Variants in TEP1 observed in about 807,000 individuals in gnomAD.
The protein encoded by TEP1 is telomerase protein component 1.
Under a neutral mutation model 306.3 loss-of-function variants are expected in TEP1, and 241 were observed. The ratio of observed to expected loss-of-function variants is 0.79; its 90% confidence interval spans 0.71 to 0.88. The LOEUF (loss-of-function observed/expected upper bound fraction) is 0.88. TEP1 is among the 40% of genes least tolerant of loss of function. The pLI is 0.00. For synonymous variants in TEP1, 1,289 were observed against 1,305.5 expected (o/e 0.99, Z 0.27); for missense variants, 3,051 against 3,276.1 (o/e 0.93, Z 1.68).
intron 50 of TEP1, 26 bp downstream of exon 50, chr14:20,371,463 G>A: frequency 6.2e-7 from 1 of 1,609,834 alleles, no homozygotes; most frequent in African/African-American, 1.3e-5. Context: ...CCCCAGCTCA[G>A]GAGGAAATGG....
rs1879342302 is a variant in TEP1 at position 20,408,125 on chromosome 14, G to A, written c.315C>T (p.Leu105=). Residue 105 remains leucine (L), a synonymous_variant, in exon 2 of 55, where the codon CTC becomes CTT. Coordinates refer to ENST00000262715, the MANE Select transcript of TEP1 (RefSeq NM_007110.5). ...HGHVSAHPDI[L]SLENRCLATL... Reference sequence around the variant, plus strand: ...TGGCCAGGCACCGGTTCTCCAAGGAGAGGATGTCTGGGTGGGCAGAAACAT... The same window carrying A: ...TGGCCAGGCACCGGTTCTCCAAGGAAAGGATGTCTGGGTGGGCAGAAACAT... 5.6e-6 allele frequency: 9 copies of A among 1,610,084 alleles called. No homozygotes were observed. The highest frequency in any genetic ancestry group is 7.6e-6 in the Non-Finnish European group (9 of 1,177,472).
chr14:20,386,133 G>A lies in TEP1; in HGVS notation c.2924C>T (p.Ser975Phe). 1 of 1,613,472 alleles carries A rather than the reference G, an allele frequency of 6.2e-7. No individual in the cohort carries two copies. Among genetic ancestry groups the A allele is most frequent in the East Asian group, 2.2e-5 (1 of 44,846 alleles). ...GCTGGGGGGAATGTATCCATAACGG[G>A]AGCCCAGAATCCCCACAAACAGCTG... ...NAQLFVGILG[S>F]RYGYIPPSYN... The change falls in exon 20 of 55, where the codon TCC becomes TTC. Residue 975 changes from serine to phenylalanine, a missense_variant. Transcript: ENST00000262715.
chr14:20,386,477 C>A lies in TEP1; in HGVS notation c.2831G>T (p.Gly944Val), dbSNP rs748869140. The A allele has an allele frequency of 2.5e-6, 4 of 1,610,754 alleles. No homozygotes were observed. Among genetic ancestry groups the A allele is most frequent in the South Asian group, 1.1e-5 (1 of 90,808 alleles). Residue 944 changes from glycine (G) to valine (V), a missense_variant, in exon 19 of 55, where the codon GGC (glycine) becomes GTC (valine). Physicochemically the swap from Gly to Val is moderately radical, Grantham distance 109. Transcript: ENST00000262715. The stretch of plus-strand genomic sequence containing the variant: ...CCTACGGGTCTCCTCCTCAGTGACG[C>A]CCCAGCGGAGGTCGATTCCGTGAAG... ...ISLHGIDLRW[G>V]VTEEETRRNR...
At chr14:20,375,268 T>A (rs866432068) in intron 43 of TEP1, among the ~76,000 whole-genome samples, 7 of 152,100 alleles carry the variant, frequency 4.6e-5, no homozygotes, top group African/African-American at 1.7e-4. Context: ...GTTATTCTCC[T>A]GCCTCAGCCT....
In TEP1 at chr14:20,377,643, A is replaced by C. The variant is rs753190676; in HGVS notation, c.5832T>G (p.Val1944=). Residue 1944 remains valine (V), a synonymous_variant, in exon 40 of 55, where the codon GTT becomes GTG. Transcript: ENST00000262715. ...TCCTAATGCCATCCGCTCGATATCC[A>C]ACAGCCACCCGATCACCATCTGGGC... ...ALSPDGDRVA[V]GYRADGIRIY... 5 of 1,614,038 alleles carry C rather than the reference A, an allele frequency of 3.1e-6. No homozygotes were observed. Among genetic ancestry groups the C allele is most frequent in the Non-Finnish European group, 4.2e-6 (5 of 1,180,038 alleles).
At position 20,388,024 on chromosome 14, in the gene TEP1, A is replaced by G. The variant is rs776405130; in HGVS notation, c.2565T>C (p.His855=). Residue 855 remains histidine (H), a synonymous_variant, in exon 18 of 55, where the codon CAT becomes CAC. Transcript: ENST00000262715. ...AEHGASHLLE[H]VGQMDKIFKI... is the part of the protein sequence containing the mutation. ...TGAATATTTTGTCCATTTGGCCCAC[A>G]TGTTCCAGAAGATGGGAGGCCCCAT... 20 of 1,614,030 alleles carry G rather than the reference A, an allele frequency of 1.2e-5. No individual in the cohort carries two copies. The highest frequency in any genetic ancestry group is 1.7e-5 in the Non-Finnish European group (20 of 1,180,036).
intron 54 of TEP1, 26 bp downstream of exon 54, chr14:20,368,772 A>G (rs1450861455): frequency 2.6e-6 from 4 of 1,548,608 alleles, no homozygotes; most frequent in East Asian, 2.2e-5. Context: ...ACGCACACAC[A>G]CACACACACA....
chr14:20,373,163 C>A lies in TEP1; in HGVS notation c.6815-16G>T. On this transcript the variant is annotated splice_polypyrimidine_tract_variant and intron_variant, in intron 47 of 54. Transcript: ENST00000262715. ...CATGTGTCATCTGGAGGAGAAAGGA[C>A]GTGTTTCATTAGGAGCTGGGATACT... 1 of 1,614,076 alleles carries A rather than the reference C, an allele frequency of 6.2e-7. No homozygotes were observed. Among genetic ancestry groups the A allele is most frequent in the Non-Finnish European group, 8.5e-7 (1 of 1,179,994 alleles).
rs1713458 is a variant in TEP1, at chr14:20,384,611, G to T, written c.3210C>A (p.Ile1070=). Residue 1070 remains isoleucine, a synonymous_variant, in exon 22 of 55, where the codon ATC becomes ATA. Coordinates refer to ENST00000262715, the MANE Select transcript of TEP1 (RefSeq NM_007110.5). ...CTCCCTCAGCTCACCTGCGGCAGGT[G>T]ATCCCTTTCTGTCTGCTTAGGTAGC... is the stretch of plus-strand genomic sequence containing the variant. ...LKSYLSRQKG[I]TCRRYPCEWG... 0.15 allele frequency: 239,833 copies of T among 1,613,388 alleles called. 21,363 individuals carry two copies. Among genetic ancestry groups the T allele is most frequent in the African/African-American group, 0.38 (28,557 of 74,922 alleles).
At chr14:20,392,299 C>A (rs150284912) in intron 12 of TEP1, among the ~76,000 whole-genome samples, 29 of 152,298 alleles carry the variant, frequency 1.9e-4, no homozygotes, top group African/African-American at 6.7e-4. Flanking sequence ...AATTGGTTCA[C>A]GCAAAGATCA....
At chr14:20,396,997 T>A (rs1170235833) in intron 9 of TEP1, among the ~76,000 whole-genome samples, 1 of 151,974 alleles carries the variant, frequency 6.6e-6, no homozygotes, top group Non-Finnish European at 1.5e-5. Context: ...AAGTGAGGAA[T>A]TCACATACAA....
Position 20,377,658 on chromosome 14 carries a change from A to G in TEP1, c.5817T>C (p.Gly1939=), listed in dbSNP as rs981150917. ...PALSVALSPD[G]DRVAVGYRAD... ...CTCGATATCCAACAGCCACCCGATCACCATCTGGGCTGAGTGCCACAGAGA... is the reference window on the plus strand; with the variant it reads ...CTCGATATCCAACAGCCACCCGATCGCCATCTGGGCTGAGTGCCACAGAGA... The change falls in exon 40 of 55, where the codon GGT becomes GGC. Residue 1939 remains glycine (G), a synonymous_variant. Transcript: ENST00000262715. The G allele has an allele frequency of 6.2e-7, 1 of 1,614,098 alleles. No individual in the cohort carries two copies. Among genetic ancestry groups the G allele is most frequent in the Non-Finnish European group, 8.5e-7 (1 of 1,180,020 alleles).
intron 4 of TEP1, 44 bp from the exon 5 acceptor site, chr14:20,404,816 C>T (rs766861995): frequency 6.4e-6 from 10 of 1,554,120 alleles, no homozygotes; most frequent in Middle Eastern, 3.8e-4. Context: ...TCACTCCTCC[C>T]GTAGCTTTCT....
rs1415289383 is a variant in TEP1 at position 20,381,305 on chromosome 14, G to A, written c.4647+8C>T. 1.2e-6 allele frequency: 2 copies of A among 1,614,030 alleles called. No homozygotes were observed. Among genetic ancestry groups the A allele is most frequent in the East Asian group, 2.2e-5 (1 of 44,882 alleles). ...TGGGAAAGGTGTCTATGGGGTCTAG[G>A]AACTAACCAGGTGGTAAGGCAGGTC... is the stretch of plus-strand genomic sequence containing the variant. On this transcript the variant is annotated splice_region_variant and intron_variant, in intron 32 of 54. Transcript: ENST00000262715. The surrounding 1 kb of genome is among the most constrained non-coding windows in gnomAD (Gnocchi z 4.0).
intron 44 of TEP1, among the ~76,000 whole-genome samples, chr14:20,374,124 G>A (rs935630954): frequency 6.8e-6 from 1 of 147,432 alleles, no homozygotes; most frequent in African/African-American, 2.5e-5. Flanking sequence ...GTCTCACTCT[G>A]TTACACTGGA....
chr14:20,403,308 T>C (rs1247638022), intron 7 of TEP1, 69 bp downstream of exon 7: 23 of 1,568,974 alleles, frequency 1.5e-5, no homozygotes, highest in Non-Finnish European at 1.9e-5. Context: ...CTAATAGAAT[T>C]TTGTTCGTAA....
Position 20,401,546 on chromosome 14 carries a change from C to A in TEP1, c.1302G>T (p.Lys434Asn), listed in dbSNP as rs17111188. The A allele has an allele frequency of 7.8e-3, 12,614 of 1,614,138 alleles. 536 individuals carry two copies. In the African/African-American group the frequency reaches 0.12, roughly 15 times the overall value. The change falls in exon 8 of 55, where the codon AAG (lysine) becomes AAT (asparagine). Residue 434 changes from lysine to asparagine, a missense_variant. Lys to Asn is a moderately conservative substitution (Grantham distance 94). Transcript: ENST00000262715. Reference sequence around the variant, plus strand: ...TCTTCAGGGTGAACCTTGGAGGATTCTTTTTCTCTGACACTGTATCACCGG... The same window carrying A: ...TCTTCAGGGTGAACCTTGGAGGATTATTTTTCTCTGACACTGTATCACCGG... Reference protein sequence around the residue: ...EKAGDTVSEKKNPPRFTLKKL... With the variant: ...EKAGDTVSEKNNPPRFTLKKL...
At chr14:20,388,136 A>AG in intron 17 of TEP1, 73 bp from the exon 18 acceptor site, 1 of 1,544,322 alleles carries the variant, frequency 6.5e-7, no homozygotes, top group Non-Finnish European at 8.8e-7. Context: ...CGAAAAGGGC[A>AG]GGGGGAAAAA....
rs759312081 is a variant in TEP1, at chr14:20,372,867, A to G, written c.6952-10T>C. The G allele has an allele frequency of 6.2e-7, 1 of 1,614,192 alleles. No homozygotes were observed. Among genetic ancestry groups the G allele is most frequent in the Non-Finnish European group, 8.5e-7 (1 of 1,180,034 alleles). On this transcript the variant is annotated splice_polypyrimidine_tract_variant and intron_variant, in intron 48 of 54. Coordinates refer to ENST00000262715, the MANE Select transcript of TEP1 (RefSeq NM_007110.5). ...CAATGTGGCCTGGAGCCTGGTGTACACAACAAGTTCAATTCAGTGCTTCTG... is the reference window on the plus strand; with the variant it reads ...CAATGTGGCCTGGAGCCTGGTGTACGCAACAAGTTCAATTCAGTGCTTCTG...
Sources: allele counts gnomAD v4.1 joint callset (sites outside exome capture counted in the v4.1 genomes callset), GRCh38; gene constraint gnomAD v4.1.1; non-coding constraint Gnocchi (gnomAD v3.1); transcripts MANE v1.5; gene names NCBI Gene and HGNC (gene_info 2026-07-23, HGNC 2026-07-21).